UBE2K: variants seen among roughly 807,000 people sequenced by gnomAD.
UBE2K encodes the protein ubiquitin conjugating enzyme E2 K, also known as ubiquitin-conjugating enzyme E2 K.
Under a neutral mutation model 30.0 loss-of-function variants are expected in UBE2K, and 6 were observed. The observed-to-expected ratio is 0.20, with a 90% CI of 0.11 to 0.39. The LOEUF (loss-of-function observed/expected upper bound fraction) is 0.39. UBE2K is among the 10% of genes least tolerant of loss of function. The pLI is 1.00. For missense variants in UBE2K, 61 were observed against 241.6 expected, an observed-to-expected ratio of 0.25 and a Z score of 4.96; for synonymous variants, 86 against 83.7, an observed-to-expected ratio of 1.03 and a Z score of -0.15.
chr4:39,729,202 C>T (rs1414387381), intron 1 of UBE2K, among the ~76,000 whole-genome samples: 1 of 151,886 alleles, frequency 6.6e-6, no homozygotes, highest in Non-Finnish European at 1.5e-5. Flanking sequence ...AACTCTTGAC[C>T]TTAGATGATC....
At chr4:39,757,758 T>C (rs1711589300) in intron 4 of UBE2K, among the ~76,000 whole-genome samples, 1 of 152,238 alleles carries the variant, frequency 6.6e-6, no homozygotes, top group Admixed American at 6.5e-5. Context: ...TGAATACATA[T>C]TTGCAGTATT....
At chr4:39,748,620 CA>C (rs33918227) in intron 3 of UBE2K, among the ~76,000 whole-genome samples, 23,206 of 123,370 alleles carry the variant, frequency 0.19, 3,376 homozygotes, top group African/African-American at 0.43. Flanking sequence ...TCTCTAGTCC[CA>C]AAAAAAAAAA....
At position 39,705,300 on chromosome 4, in the gene UBE2K, C is replaced by T. The variant is rs965922215; in HGVS notation, c.63+6910C>T. Among the ~76,000 whole-genome samples, 26 of 149,560 alleles carry T rather than the reference C, an allele frequency of 1.7e-4. 1 individual carries two copies. The highest frequency in any genetic ancestry group is 5.2e-4 in the African/African-American group (21 of 40,654). ...ACAGCCTCTGCCTCCCGGGTTCAAG[C>T]GACTCTCGTGCCTCAGCCTCCTGAG... On this transcript the variant is annotated intron_variant, in intron 1 of 6. Coordinates refer to ENST00000261427, the MANE Select transcript of UBE2K (RefSeq NM_005339.5).
At chr4:39,766,346 T>C (rs546422219) in intron 4 of UBE2K, among the ~76,000 whole-genome samples, 6 of 152,300 alleles carry the variant, frequency 3.9e-5, no homozygotes, top group African/African-American at 1.2e-4. Flanking sequence ...AAGTGATAGG[T>C]CATTGTGGTT....
At chr4:39,728,007 G>A (rs1025801193) in intron 1 of UBE2K, among the ~76,000 whole-genome samples, 3 of 152,000 alleles carry the variant, frequency 2.0e-5, no homozygotes, top group Admixed American at 6.6e-5. Flanking sequence ...GGTGCTGTGC[G>A]CCTGTAGTCC....
intron 4 of UBE2K, chr4:39,771,291 G>C (rs1216671470): frequency 6.2e-7 from 1 of 1,611,868 alleles, no homozygotes; most frequent in Non-Finnish European, 8.5e-7. Flanking sequence ...CGGCTAAGAT[G>C]ACCTTGTGGC....
Position 39,770,782 on chromosome 4 carries a change from G to A in UBE2K, c.300-4052G>A. 5 of 1,580,800 alleles carry A rather than the reference G, an allele frequency of 3.2e-6. No individual in the cohort carries two copies. The South Asian group carries it at 4.6e-5, about 15-fold the overall frequency. On this transcript the variant is annotated intron_variant, in intron 4 of 6. Transcript: ENST00000261427. The stretch of plus-strand genomic sequence containing the variant: ...AGGCCTCCAGGGGGCTTGAGCCGGT[G>A]TGCGATGTCCAGGGCCGACTCCACC...
intron 3 of UBE2K, among the ~76,000 whole-genome samples, chr4:39,750,887 G>A (rs1404669841): frequency 6.6e-6 from 1 of 151,744 alleles, no homozygotes; most frequent in South Asian, 2.1e-4. Flanking sequence ...TTGGACTACA[G>A]GCATACCCCA....
At chr4:39,770,800 A>G (rs776059364) in intron 4 of UBE2K, 12 of 1,561,212 alleles carry the variant, frequency 7.7e-6, no homozygotes, top group Non-Finnish European at 1.0e-5. Flanking sequence ...TCCAGGGCCG[A>G]CTCCACCTTG....
At chr4:39,735,229 A>T (rs1223819262) in intron 1 of UBE2K, among the ~76,000 whole-genome samples, 2 of 152,154 alleles carry the variant, frequency 1.3e-5, no homozygotes, top group Non-Finnish European at 2.9e-5. Context: ...ATTTATTTTG[A>T]GATGGAGTCT....
chr4:39,726,243 G>A (rs981243064), intron 1 of UBE2K, among the ~76,000 whole-genome samples: 3 of 151,760 alleles, frequency 2.0e-5, no homozygotes, highest in African/African-American at 7.3e-5. Flanking sequence ...TGTTCTACCT[G>A]CCTTGGCCTC....
At chr4:39,742,281 G>A (rs527587889) in intron 2 of UBE2K, among the ~76,000 whole-genome samples, 15 of 151,948 alleles carry the variant, frequency 9.9e-5, no homozygotes, top group South Asian at 4.2e-4. Flanking sequence ...CTAATTCTGG[G>A]TATAGACAGT....
chr4:39,734,246 C>T (rs560157775), intron 1 of UBE2K, among the ~76,000 whole-genome samples: 105 of 151,980 alleles, frequency 6.9e-4, no homozygotes, highest in African/African-American at 2.2e-3. Flanking sequence ...GCGGGGACTA[C>T]AGGCACACAC....
Position 39,751,584 on chromosome 4 carries a change from C to T in UBE2K, c.217-4073C>T, listed in dbSNP as rs571046412. 2.0e-5 allele frequency among the ~76,000 whole-genome samples: 3 copies of T among 152,236 alleles called. No homozygotes were observed. In the South Asian group the frequency reaches 6.2e-4, roughly 32 times the overall value. Reference sequence around the variant, plus strand: ...GTCCCAACTACTCAGGAGGCTGAGGCAGAAGAATTGAGCTCAGGAGCTCGA... The same window carrying T: ...GTCCCAACTACTCAGGAGGCTGAGGTAGAAGAATTGAGCTCAGGAGCTCGA... On this transcript the variant is annotated intron_variant, in intron 3 of 6. Transcript: ENST00000261427.
intron 1 of UBE2K, among the ~76,000 whole-genome samples, chr4:39,716,301 C>T (rs760564167): frequency 1.4e-4 from 21 of 151,524 alleles, no homozygotes; most frequent in Non-Finnish European, 2.7e-4. Flanking sequence ...GCTGGGGTGC[C>T]GTGTTGTGAT....
At chr4:39,719,894 A>G (rs917002647) in intron 1 of UBE2K, among the ~76,000 whole-genome samples, 2 of 152,208 alleles carry the variant, frequency 1.3e-5, no homozygotes, top group East Asian at 1.9e-4. Flanking sequence ...TTTTGAGTGT[A>G]TATCTCTGAA....
At chr4:39,736,259 G>A (rs1013229063) in intron 1 of UBE2K, among the ~76,000 whole-genome samples, 2 of 152,132 alleles carry the variant, frequency 1.3e-5, no homozygotes, top group African/African-American at 4.8e-5. Context: ...TCAGGAGTTC[G>A]AGACAAGCCT....
chr4:39,765,908 T>TAC (rs1712292441), intron 4 of UBE2K, among the ~76,000 whole-genome samples: 41 of 149,748 alleles, frequency 2.7e-4, no homozygotes, highest in African/African-American at 5.9e-4. Flanking sequence ...AGGATATATA[T>TAC]ATACATACAT....
intron 3 of UBE2K, among the ~76,000 whole-genome samples, chr4:39,752,491 C>G (rs925916505): frequency 2.0e-5 from 3 of 151,950 alleles, no homozygotes; most frequent in Non-Finnish European, 4.4e-5. Context: ...CGCCCGCCAC[C>G]GCGCCCGGCT....
Sources: gnomAD v4.1 joint callset for allele counts (sites outside exome capture counted in the v4.1 genomes callset) on GRCh38, gnomAD v4.1.1 for gene constraint, MANE v1.5 for transcripts, NCBI Gene and HGNC (gene_info 2026-07-23, HGNC 2026-07-21) for gene names.